The following VANGL2 variants were observed in gnomAD, a reference collection of about 807,000 sequenced individuals.
The protein encoded by VANGL2 is VANGL planar cell polarity protein 2.
VANGL2 carries 14 observed loss-of-function variants against 50.2 expected under a neutral mutation model. That is an observed-to-expected ratio of 0.28 (90% confidence interval 0.18 to 0.44). The LOEUF (loss-of-function observed/expected upper bound fraction) is 0.44. Ranked by LOEUF, VANGL2 falls within the 20% of genes least tolerant of loss-of-function variation. The pLI, the probability that VANGL2 is intolerant of heterozygous loss-of-function variation, is 1.00. For synonymous variants in VANGL2, 295 were observed against 297.2 expected (o/e 0.99, Z 0.08); for missense variants, 533 against 701.5 (o/e 0.76, Z 2.71).
chr1:160,401,672 C>T (rs1452514905), intron 1 of VANGL2, among the ~76,000 whole-genome samples: 3 of 151,866 alleles, frequency 2.0e-5, no homozygotes, highest in Non-Finnish European at 4.4e-5. Context: ...GAGCGGCTGA[C>T]CATGCATCTG....
chr1:160,419,697 G>T lies in VANGL2; in HGVS notation c.800+88G>T. 1.3e-6 allele frequency: 2 copies of T among 1,526,886 alleles called. No individual in the cohort carries two copies. The highest frequency in any genetic ancestry group is 4.1e-5 in the Admixed American group (2 of 48,696). 94.6% of individuals were successfully genotyped at this position (1,526,886 alleles called of 1,614,324 possible). ...GCTAGGGTGGGAGGGTATGATGGTGGGCTGGAGGTGATGGGCTTGGAGGGT... is the reference window on the plus strand; with the variant it reads ...GCTAGGGTGGGAGGGTATGATGGTGTGCTGGAGGTGATGGGCTTGGAGGGT... On this transcript the variant is annotated intron_variant, in intron 4 of 7. Coordinates refer to ENST00000368061, the MANE Select transcript of VANGL2 (RefSeq NM_020335.3). This position sits in a 1 kb window ranked among gnomAD's most constrained non-coding sequence, Gnocchi z 5.8.
chr1:160,410,338 C>T (rs1190509598), intron 1 of VANGL2, among the ~76,000 whole-genome samples: 1 of 152,172 alleles, frequency 6.6e-6, no homozygotes, highest in Middle Eastern at 3.2e-3. Context: ...ACATGTTTTG[C>T]TCTGTCCCTG....
At chr1:160,423,995 G>A (rs1651361274) in intron 6 of VANGL2, 57 bp from the exon 7 acceptor site, 2 of 1,589,234 alleles carry the variant, frequency 1.3e-6, no homozygotes, top group Non-Finnish European at 1.7e-6. Flanking sequence ...TAGGGGAGAG[G>A]GGTGGGGTGG....
At chr1:160,420,671 A>G (rs542514547) in intron 5 of VANGL2, 124 bp downstream of exon 5, 17 of 1,447,152 alleles carry the variant, frequency 1.2e-5, no homozygotes, top group Middle Eastern at 1.7e-4. Context: ...AGCCGCTTCT[A>G]TTCAGTCATT....
At position 160,424,233 on chromosome 1, in the gene VANGL2, A is replaced by G. The variant is rs778530202; in HGVS notation, c.1255A>G (p.Ser419Gly). Residue 419 changes from serine (S) to glycine (G), a missense_variant, in exon 7 of 8, where the codon AGC becomes GGC. Ser to Gly is a moderately conservative substitution (Grantham distance 56). Coordinates refer to ENST00000368061, the MANE Select transcript of VANGL2 (RefSeq NM_020335.3). ...TKQQPYHTME[S>G]ILQHLEFCIT... The stretch of plus-strand genomic sequence containing the variant: ...GCAGCAGCCCTACCACACCATGGAG[A>G]GCATCCTGCAGCACCTTGAATTCTG... The G allele has an allele frequency of 2.5e-6, 4 of 1,614,138 alleles. No individual in the cohort carries two copies. Among genetic ancestry groups the G allele is most frequent in the Middle Eastern group, 1.6e-4 (1 of 6,062 alleles).
chr1:160,424,896 G>A (rs1198820684), intron 7 of VANGL2, among the ~76,000 whole-genome samples: 1 of 152,120 alleles, frequency 6.6e-6, no homozygotes, highest in Non-Finnish European at 1.5e-5. Flanking sequence ...CCTACCTGAT[G>A]AGCCACATCC....
At chr1:160,405,116 G>T (rs907967933) in intron 1 of VANGL2, among the ~76,000 whole-genome samples, 1 of 152,106 alleles carries the variant, frequency 6.6e-6, no homozygotes, top group African/African-American at 2.4e-5. Flanking sequence ...GCTCACTCCT[G>T]TATGCATCAA....
intron 1 of VANGL2, among the ~76,000 whole-genome samples, chr1:160,404,680 G>C (rs958667517): frequency 6.6e-6 from 1 of 152,180 alleles, no homozygotes; most frequent in Non-Finnish European, 1.5e-5. Flanking sequence ...TTTGAATCTG[G>C]CTTCCTTCGC....
rs267607167 is a variant in VANGL2 at position 160,421,171 on chromosome 1, C to G, written c.1057C>G (p.Arg353Gly). The G allele has an allele frequency of 6.2e-7, 1 of 1,613,468 alleles. No individual in the cohort carries two copies. The highest frequency in any genetic ancestry group is 8.5e-7 in the Non-Finnish European group (1 of 1,180,004). ...YEEAEHERRV[R>G]KRRARLVVAV... ...GGAGGCTGAGCATGAGCGAAGGGTG[C>G]GCAAGAGGAGGGCCAGGTGGGTCCC... is the stretch of plus-strand genomic sequence containing the variant. The change falls in exon 6 of 8, where the codon CGC becomes GGC. Residue 353 changes from arginine (R) to glycine (G), a missense_variant. Coordinates refer to ENST00000368061, the MANE Select transcript of VANGL2 (RefSeq NM_020335.3).
At chr1:160,421,324 C>A in intron 6 of VANGL2, 137 bp downstream of exon 6, 1 of 1,159,652 alleles carries the variant, frequency 8.6e-7, no homozygotes, top group Non-Finnish European at 1.2e-6. Flanking sequence ...TTTTCCGTTG[C>A]TGCCCTAACA....
chr1:160,420,320 C>T (rs966085316), intron 4 of VANGL2, 91 bp from the exon 5 acceptor site: 2 of 1,551,550 alleles, frequency 1.3e-6, no homozygotes, highest in South Asian at 1.1e-5. Context: ...TGTGTCCTCT[C>T]CTGCCCTGCC....
rs1651439720 is a variant in VANGL2, at chr1:160,425,932, A to C, written c.*554A>C. ...TCTAGGGCAGGGATACTCCTGCCAC[A>C]CAGCCCGAGTTAGAAATCTCCTTGC... On this transcript the variant is annotated 3_prime_UTR_variant, in exon 8 of 8. Coordinates refer to ENST00000368061, the MANE Select transcript of VANGL2 (RefSeq NM_020335.3). 6.5e-6 allele frequency: 1 copy of C among 152,878 alleles called. No individual in the cohort carries two copies. Among genetic ancestry groups the C allele is most frequent in the Non-Finnish European group, 1.5e-5 (1 of 68,556 alleles). 9.5% of individuals were successfully genotyped at this position (152,878 alleles called of 1,614,324 possible).
At chr1:160,418,861 T>G in intron 3 of VANGL2, 141 bp from the exon 4 acceptor site, 2 of 1,087,012 alleles carry the variant, frequency 1.8e-6, no homozygotes, top group Non-Finnish European at 2.6e-6. Flanking sequence ...TATTTGTTGA[T>G]TACCCTCTCT....
At chr1:160,423,584 C>A (rs1408063408) in intron 6 of VANGL2, among the ~76,000 whole-genome samples, 4 of 152,096 alleles carry the variant, frequency 2.6e-5, no homozygotes, top group Non-Finnish European at 5.9e-5. Flanking sequence ...TTTGCATGTT[C>A]TAGATCTGAA....
In VANGL2 at chr1:160,419,161, C is replaced by G; in HGVS notation, c.352C>G (p.Leu118Val). Reference protein sequence around the residue: ...GVAAGATLALLSFLTPLAFLL... With the variant: ...GVAAGATLALVSFLTPLAFLL... ...GGCAGCGGGGGCCACCCTGGCACTG[C>G]TGTCTTTCCTCACGCCTCTGGCCTT... Residue 118 changes from leucine to valine, a missense_variant, in exon 4 of 8, where the codon CTG becomes GTG. Coordinates refer to ENST00000368061, the MANE Select transcript of VANGL2 (RefSeq NM_020335.3). The surrounding 1 kb of genome is among the most constrained non-coding windows in gnomAD (Gnocchi z 5.8). 6.2e-7 allele frequency: 1 copy of G among 1,614,074 alleles called. No homozygotes were observed. The highest frequency in any genetic ancestry group is 1.1e-5 in the South Asian group (1 of 91,088).
intron 1 of VANGL2, among the ~76,000 whole-genome samples, chr1:160,405,541 G>C (rs186267999): frequency 6.6e-6 from 1 of 151,958 alleles, no homozygotes; most frequent in Non-Finnish European, 1.5e-5. Flanking sequence ...GGTAATTATA[G>C]ACATAACAGC....
chr1:160,418,531 T>C (rs1183991608), intron 3 of VANGL2, among the ~76,000 whole-genome samples: 2 of 152,116 alleles, frequency 1.3e-5, no homozygotes, highest in Non-Finnish European at 2.9e-5. Context: ...CTTCCCTAAG[T>C]GTTCTAATGT....
chr1:160,411,160 G>C (rs1650869237), intron 1 of VANGL2, among the ~76,000 whole-genome samples: 1 of 151,728 alleles, frequency 6.6e-6, no homozygotes, highest in Non-Finnish European at 1.5e-5. Flanking sequence ...CTCCTCCCTG[G>C]CCTCATTTTA....
At chr1:160,422,171 A>G (rs1321794033) in intron 6 of VANGL2, among the ~76,000 whole-genome samples, 2 of 152,158 alleles carry the variant, frequency 1.3e-5, no homozygotes, top group Admixed American at 6.5e-5. Context: ...CCTTGTTCCT[A>G]TTTGAGGCTG....
Sources: allele counts gnomAD v4.1 joint callset (sites outside exome capture counted in the v4.1 genomes callset), GRCh38; gene constraint gnomAD v4.1.1; non-coding constraint Gnocchi (gnomAD v3.1); transcripts MANE v1.5; gene names NCBI Gene and HGNC (gene_info 2026-07-23, HGNC 2026-07-21).